RASA2: variants seen among roughly 807,000 people sequenced by gnomAD.
RASA2 encodes RAS p21 protein activator 2.
RASA2 carries 155 observed loss-of-function variants against 118.2 expected under a neutral mutation model. That is an observed-to-expected ratio of 1.31 (90% CI 1.15 to 1.50). The LOEUF (loss-of-function observed/expected upper bound fraction) is 1.50. Among genes scored for constraint, RASA2 ranks in the 40% most tolerant of loss-of-function variants. The pLI is 0.00. For missense variants in RASA2, 1,016 were observed against 1,009.6 expected (o/e 1.01, Z -0.09); for synonymous variants, 353 against 349.1 (o/e 1.01, Z -0.12).
intron 9 of RASA2, among the ~76,000 whole-genome samples, chr3:141,570,539 A>T (rs1480193830): frequency 6.6e-6 from 1 of 152,180 alleles, no homozygotes; most frequent in Non-Finnish European, 1.5e-5. Context: ...TTTCAGCTAA[A>T]TGCCTCTTTC....
intron 17 of RASA2, among the ~76,000 whole-genome samples, chr3:141,583,041 A>G (rs941224578): frequency 6.6e-6 from 1 of 152,236 alleles, no homozygotes; most frequent in African/African-American, 2.4e-5. Context: ...TGGGACCTAT[A>G]GTCACCCTGC....
At chr3:141,585,946 T>C in intron 17 of RASA2, 79 bp from the exon 18 acceptor site, 1 of 1,093,468 alleles carries the variant, frequency 9.1e-7, no homozygotes, top group South Asian at 1.7e-5. Flanking sequence ...CCATTATAAT[T>C]AATGACATGT....
At chr3:141,607,518 T>G (rs1465874930) in intron 19 of RASA2, 160 bp from the exon 20 acceptor site, 1 of 661,112 alleles carries the variant, frequency 1.5e-6, no homozygotes, top group Non-Finnish European at 2.2e-6. Context: ...ATCTGTTCCA[T>G]GAAACAAATA....
chr3:141,542,695 G>A (rs1456877148), intron 5 of RASA2, among the ~76,000 whole-genome samples: 1 of 151,884 alleles, frequency 6.6e-6, no homozygotes, highest in Non-Finnish European at 1.5e-5. Context: ...TTTATCATGT[G>A]TGTTGATTTG....
At chr3:141,539,645 A>G (rs1560017925) in intron 4 of RASA2, among the ~76,000 whole-genome samples, 1 of 152,154 alleles carries the variant, frequency 6.6e-6, no homozygotes, top group Non-Finnish European at 1.5e-5. Flanking sequence ...GCAATGTGAG[A>G]ATTTGTCTTG....
chr3:141,522,241 G>T (rs2082121765), intron 3 of RASA2, among the ~76,000 whole-genome samples: 2 of 152,032 alleles, frequency 1.3e-5, no homozygotes, highest in Admixed American at 1.3e-4. Flanking sequence ...ATAGAATCAG[G>T]ATCCAGATTC....
intron 17 of RASA2, among the ~76,000 whole-genome samples, 186 bp from the exon 18 acceptor site, chr3:141,585,839 A>G (rs762932036): frequency 6.6e-6 from 1 of 152,118 alleles, no homozygotes; most frequent in African/African-American, 2.4e-5. Flanking sequence ...CTTTTATAAT[A>G]CTTGTCATTT....
intron 15 of RASA2, 26 bp from the exon 16 acceptor site, chr3:141,580,342 G>A: frequency 6.6e-7 from 1 of 1,511,254 alleles, no homozygotes; most frequent in Non-Finnish European, 9.1e-7. Context: ...AAACTTAGTA[G>A]TTTTGGTCTT....
intron 1 of RASA2, among the ~76,000 whole-genome samples, chr3:141,497,388 T>C (rs2081718611): frequency 6.6e-6 from 1 of 151,902 alleles, no homozygotes; most frequent in African/African-American, 2.4e-5. Context: ...AGTATATTTA[T>C]ATATTATATT....
chr3:141,598,041 C>G (rs2083402943), intron 19 of RASA2, among the ~76,000 whole-genome samples: 6 of 152,124 alleles, frequency 3.9e-5, no homozygotes, highest in Admixed American at 3.9e-4. Context: ...AACCCTGTAT[C>G]TCTGCTTGTG....
intron 7 of RASA2, among the ~76,000 whole-genome samples, 191 bp from the exon 8 acceptor site, chr3:141,558,695 T>A (rs2082684864): frequency 6.6e-6 from 1 of 151,980 alleles, no homozygotes; most frequent in South Asian, 2.1e-4. Flanking sequence ...TTTTGATTTT[T>A]TTTTTACACT....
At chr3:141,572,799 G>A in intron 12 of RASA2, 76 bp downstream of exon 12, 1 of 1,129,902 alleles carries the variant, frequency 8.9e-7, no homozygotes, top group Non-Finnish European at 1.3e-6. Flanking sequence ...TCTATTGATG[G>A]GAAGGATTTA....
At chr3:141,526,560 G>A (rs955272375) in intron 3 of RASA2, among the ~76,000 whole-genome samples, 6 of 151,870 alleles carry the variant, frequency 4.0e-5, no homozygotes, top group Non-Finnish European at 2.9e-5. Context: ...CATGTTGTAG[G>A]TATCCTGCTA....
At chr3:141,553,001 C>T (rs1384844635) in intron 5 of RASA2, among the ~76,000 whole-genome samples, 2 of 152,156 alleles carry the variant, frequency 1.3e-5, no homozygotes, top group Admixed American at 6.5e-5. Flanking sequence ...TCTGTGTTCT[C>T]TGTAAATGCC....
intron 2 of RASA2, among the ~76,000 whole-genome samples, chr3:141,515,624 A>G (rs575733045): frequency 9.2e-5 from 14 of 152,252 alleles, no homozygotes; most frequent in African/African-American, 3.4e-4. Context: ...TTATTTGGCC[A>G]GGAACATTAG....
At chr3:141,585,876 A>T in intron 17 of RASA2, 149 bp from the exon 18 acceptor site, 1 of 469,610 alleles carries the variant, frequency 2.1e-6, no homozygotes, top group Non-Finnish European at 3.7e-6. Flanking sequence ...CTCTCTAATT[A>T]AATATGTGTT....
chr3:141,543,876 C>CTTTTTTTTTTTTTTTTTTTTTTTTTTTT (rs529631210), intron 5 of RASA2, among the ~76,000 whole-genome samples: 18 of 117,310 alleles, frequency 1.5e-4, no homozygotes, highest in Non-Finnish European at 2.6e-4. Context: ...TTTCTTTTTT[C>CTTTTTTTTTTTTTTTTTTTTTTTTTTTT]TTTTTTTTTT....
intron 1 of RASA2, among the ~76,000 whole-genome samples, chr3:141,493,681 AATTCT>A (rs2081665109): frequency 6.6e-6 from 1 of 152,196 alleles, no homozygotes; most frequent in Non-Finnish European, 1.5e-5. Flanking sequence ...TTGATATATT[AATTCT>A]ATTTGATTAG....
chr3:141,500,018 T>G (rs1404366032), intron 1 of RASA2, among the ~76,000 whole-genome samples: 1 of 152,240 alleles, frequency 6.6e-6, no homozygotes, highest in East Asian at 1.9e-4. Context: ...CATGTTAATT[T>G]ATGCATTGGA....
Sources: gnomAD v4.1 joint callset for allele counts (sites outside exome capture counted in the v4.1 genomes callset) on GRCh38, gnomAD v4.1.1 for gene constraint, MANE v1.5 for transcripts, NCBI Gene and HGNC (gene_info 2026-07-23, HGNC 2026-07-21) for gene names.